The following ANAPC10 variants were observed in gnomAD, a reference collection of about 807,000 sequenced individuals.
The protein encoded by ANAPC10 is anaphase promoting complex subunit 10.
ANAPC10 carries 12 observed loss-of-function variants against 22.0 expected under a neutral mutation model. That is an observed-to-expected ratio of 0.55 (90% CI 0.35 to 0.88). ANAPC10 has a LOEUF of 0.88. Among genes scored for constraint, ANAPC10 ranks in the 40% least tolerant of loss-of-function variants. The pLI is 0.01. For synonymous variants in ANAPC10, 65 were observed against 69.5 expected, an observed-to-expected ratio of 0.94 and a Z score of 0.32; for missense variants, 188 against 220.9, an observed-to-expected ratio of 0.85 and a Z score of 0.94.
intron 4 of ANAPC10, among the ~76,000 whole-genome samples, chr4:145,042,993 A>C (rs1226340023): frequency 6.6e-6 from 1 of 152,088 alleles, no homozygotes; most frequent in Non-Finnish European, 1.5e-5. Flanking sequence ...ACAAATAGCG[A>C]AGAAGCACAA....
intron 4 of ANAPC10, among the ~76,000 whole-genome samples, chr4:145,013,210 T>A (rs1459496621): frequency 6.6e-6 from 1 of 152,170 alleles, no homozygotes; most frequent in Non-Finnish European, 1.5e-5. Context: ...CTGCATAATT[T>A]TTGTTCCAAA....
chr4:145,001,738 T>C (rs914489749), intron 4 of ANAPC10, among the ~76,000 whole-genome samples: 11 of 152,212 alleles, frequency 7.2e-5, no homozygotes, highest in Middle Eastern at 3.4e-3. Flanking sequence ...GTAAACAGGA[T>C]CCATTAGAGT....
intron 4 of ANAPC10, among the ~76,000 whole-genome samples, chr4:145,021,947 C>A (rs189277948): frequency 1.3e-5 from 2 of 152,062 alleles, no homozygotes; most frequent in African/African-American, 4.8e-5. Context: ...CAGGCAAATG[C>A]GAATTAAAAT....
At chr4:145,006,029 GATCTAATACTA>G (rs1451345315) in intron 4 of ANAPC10, among the ~76,000 whole-genome samples, 2 of 151,896 alleles carry the variant, frequency 1.3e-5, no homozygotes, top group African/African-American at 4.8e-5. Flanking sequence ...CTGCCTCAAT[GATCTAATACTA>G]ACAGTGTGGT....
chr4:145,059,302 T>C (rs767371885), intron 4 of ANAPC10, among the ~76,000 whole-genome samples: 1 of 152,120 alleles, frequency 6.6e-6, no homozygotes, highest in Non-Finnish European at 1.5e-5. Flanking sequence ...AAGTACCATA[T>C]ATGGACTCAC....
intron 2 of ANAPC10, among the ~76,000 whole-genome samples, chr4:145,093,554 T>G (rs1748035582): frequency 6.7e-6 from 1 of 149,034 alleles, no homozygotes; most frequent in African/African-American, 2.5e-5. Flanking sequence ...ACTATAACTA[T>G]GAGTAAGATG....
chr4:145,086,475 T>C (rs1373560712), intron 2 of ANAPC10, among the ~76,000 whole-genome samples: 1 of 152,168 alleles, frequency 6.6e-6, no homozygotes, highest in Non-Finnish European at 1.5e-5. Flanking sequence ...AGCAGCATCA[T>C]TACCACCTGG....
At position 145,059,584 on chromosome 4, in the gene ANAPC10, G is replaced by C. The variant is rs1742579525; in HGVS notation, c.327+4988C>G. Among the ~76,000 whole-genome samples, 4 of 152,034 alleles carry C rather than the reference G, an allele frequency of 2.6e-5. No individual in the cohort carries two copies. In the South Asian group the frequency reaches 8.3e-4, roughly 31 times the overall value. On this transcript the variant is annotated intron_variant, in intron 4 of 4. Coordinates refer to ENST00000507656, the MANE Select transcript of ANAPC10 (RefSeq NM_001256706.2). ...AAACCAAAGGACAACTTTCACATAT[G>C]CTGAAAGTGTCTACTTAACCTTAAC... is the stretch of plus-strand genomic sequence containing the variant.
intron 4 of ANAPC10, among the ~76,000 whole-genome samples, chr4:145,045,311 A>G (rs1740138312): frequency 6.6e-6 from 1 of 152,124 alleles, no homozygotes; most frequent in South Asian, 2.1e-4. Context: ...TATTCTATAT[A>G]TGAGGAAACT....
chr4:145,079,774 C>A (rs1745696589), intron 3 of ANAPC10, among the ~76,000 whole-genome samples: 1 of 152,050 alleles, frequency 6.6e-6, no homozygotes, highest in South Asian at 2.1e-4. Flanking sequence ...AACACAGAAA[C>A]AGAAAACCAA....
intron 4 of ANAPC10, among the ~76,000 whole-genome samples, chr4:145,050,423 G>A (rs931649573): frequency 1.3e-5 from 2 of 152,172 alleles, no homozygotes; most frequent in Non-Finnish European, 2.9e-5. Flanking sequence ...AAGGACCCTA[G>A]GATTATTAGA....
At chr4:145,090,652 C>T (rs1049079349) in intron 2 of ANAPC10, among the ~76,000 whole-genome samples, 1 of 152,116 alleles carries the variant, frequency 6.6e-6, no homozygotes, top group African/African-American at 2.4e-5. Flanking sequence ...GTACTAGTTT[C>T]CTCATTTGGA....
chr4:145,059,884 T>A (rs1742629753), intron 4 of ANAPC10, among the ~76,000 whole-genome samples: 1 of 152,032 alleles, frequency 6.6e-6, no homozygotes, highest in Non-Finnish European at 1.5e-5. Context: ...TTTTTCCTTC[T>A]GAGAGCAAAA....
intron 3 of ANAPC10, 85 bp from the exon 4 acceptor site, chr4:145,064,777 T>A: frequency 8.3e-7 from 1 of 1,202,440 alleles, no homozygotes; most frequent in Non-Finnish European, 1.1e-6. Flanking sequence ...TTAAAAATCA[T>A]AGTTTGCTAA....
chr4:145,008,234 C>A (rs1255960030), intron 4 of ANAPC10, among the ~76,000 whole-genome samples: 2 of 152,132 alleles, frequency 1.3e-5, no homozygotes, highest in African/African-American at 2.4e-5. Context: ...CAGATGGATT[C>A]ACAGACAAAT....
chr4:145,026,945 A>ATATATGTGTGTG (rs1287102797), intron 4 of ANAPC10, among the ~76,000 whole-genome samples: 3 of 17,154 alleles, frequency 1.7e-4, no homozygotes, highest in African/African-American at 3.1e-4. Flanking sequence ...ATATATATAT[A>ATATATGTGTGTG]TGTGTGTGTG....
intron 4 of ANAPC10, among the ~76,000 whole-genome samples, chr4:145,042,972 A>T (rs1739737768): frequency 1.3e-5 from 2 of 152,160 alleles, no homozygotes; most frequent in Admixed American, 1.3e-4. Flanking sequence ...GATGTAATTT[A>T]TAACCATTAC....
chr4:145,007,732 T>TC, intron 4 of ANAPC10, among the ~76,000 whole-genome samples: 1 of 151,804 alleles, frequency 6.6e-6, no homozygotes, highest in Non-Finnish European at 1.5e-5. Context: ...GCAGGAAAGA[T>TC]CAAAATTGAC....
intron 4 of ANAPC10, among the ~76,000 whole-genome samples, chr4:145,044,017 A>G (rs1579015952): frequency 1.3e-5 from 2 of 152,214 alleles, no homozygotes; most frequent in Non-Finnish European, 1.5e-5. Context: ...ATTTGTTAGA[A>G]AGTAAATGTT....
Sources: allele counts gnomAD v4.1 joint callset (sites outside exome capture counted in the v4.1 genomes callset), GRCh38; gene constraint gnomAD v4.1.1; transcripts MANE v1.5; gene names NCBI Gene and HGNC (gene_info 2026-07-23, HGNC 2026-07-21).